The following GREB1L variants were observed in gnomAD, a reference collection of about 807,000 sequenced individuals.
GREB1L encodes GREB1-like protein.
GREB1L carries 17 observed loss-of-function variants against 200.8 expected under a neutral mutation model. The ratio of observed to expected loss-of-function variants is 0.08; its 90% CI spans 0.06 to 0.13. The LOEUF is 0.13. Among genes scored for constraint, GREB1L ranks in the 10% least tolerant of loss-of-function variants. The probability of loss-of-function intolerance (pLI) is 1.00; values close to 1 mark genes in which losing one functional copy is unlikely to be tolerated. For missense variants in GREB1L, 1,657 were observed against 2,367.7 expected, an observed-to-expected ratio of 0.70 and a Z score of 6.23; for synonymous variants, 789 against 893.0, an observed-to-expected ratio of 0.88 and a Z score of 2.08.
chr18:21,247,108 C>G (rs1469597079), intron 1 of GREB1L, among the ~76,000 whole-genome samples: 1 of 152,140 alleles, frequency 6.6e-6, no homozygotes, highest in Non-Finnish European at 1.5e-5. Flanking sequence ...GGAGGGCTCC[C>G]TATTGTGTAC....
At chr18:21,338,642 A>G (rs1394393412) in intron 1 of GREB1L, among the ~76,000 whole-genome samples, 1 of 152,200 alleles carries the variant, frequency 6.6e-6, no homozygotes, top group Non-Finnish European at 1.5e-5. Context: ...ATCCACAGCT[A>G]TGATCACTTG....
intron 5 of GREB1L, among the ~76,000 whole-genome samples, chr18:21,399,495 A>ATAGATG (rs1567979089): frequency 1.6e-5 from 1 of 63,226 alleles, no homozygotes; most frequent in African/African-American, 6.3e-5. Flanking sequence ...ATGGATGGAT[A>ATAGATG]GATGGATGGG....
chr18:21,270,424 T>G (rs1418506451), intron 1 of GREB1L, among the ~76,000 whole-genome samples: 1 of 152,192 alleles, frequency 6.6e-6, no homozygotes, highest in African/African-American at 2.4e-5. Flanking sequence ...GAAGCCTGGC[T>G]GCCTGCGCTG....
At chr18:21,284,686 C>T (rs979218257) in intron 1 of GREB1L, among the ~76,000 whole-genome samples, 3 of 152,160 alleles carry the variant, frequency 2.0e-5, no homozygotes, top group Non-Finnish European at 2.9e-5. Context: ...CTCTTGGACA[C>T]GTACCTAGTC....
intron 1 of GREB1L, among the ~76,000 whole-genome samples, chr18:21,339,585 T>A (rs1340748692): frequency 6.6e-6 from 1 of 152,224 alleles, no homozygotes. Flanking sequence ...AACAAGTCAC[T>A]CAACCTTTTA....
At chr18:21,331,476 G>A (rs1372044421) in intron 1 of GREB1L, among the ~76,000 whole-genome samples, 2 of 152,184 alleles carry the variant, frequency 1.3e-5, no homozygotes, top group Non-Finnish European at 2.9e-5. Context: ...CTTCTGACTT[G>A]TGACAGAAGA....
At chr18:21,357,749 G>T (rs570699532) in intron 1 of GREB1L, among the ~76,000 whole-genome samples, 1 of 152,078 alleles carries the variant, frequency 6.6e-6, no homozygotes, top group Admixed American at 6.6e-5. Context: ...TGTGTTCTTG[G>T]CCTCTTTCTT....
intron 7 of GREB1L, among the ~76,000 whole-genome samples, chr18:21,418,154 G>A (rs1312074128): frequency 6.6e-6 from 1 of 151,976 alleles, no homozygotes; most frequent in East Asian, 1.9e-4. Flanking sequence ...TAGTCTAAAG[G>A]CCAGGAGGGG....
intron 1 of GREB1L, among the ~76,000 whole-genome samples, chr18:21,364,087 T>C (rs1414648706): frequency 6.6e-6 from 1 of 152,168 alleles, no homozygotes; most frequent in Non-Finnish European, 1.5e-5. Flanking sequence ...TTCTAAATTT[T>C]CTTTTTGTAA....
intron 17 of GREB1L, among the ~76,000 whole-genome samples, chr18:21,482,254 T>TTTTTG (rs1218360324): frequency 2.6e-5 from 4 of 152,092 alleles, no homozygotes; most frequent in Non-Finnish European, 5.9e-5. Flanking sequence ...TGAAAGAAGT[T>TTTTTG]TTTTGTTTTG....
At chr18:21,337,772 A>G (rs2039207932) in intron 1 of GREB1L, among the ~76,000 whole-genome samples, 2 of 151,640 alleles carry the variant, frequency 1.3e-5, no homozygotes, top group Non-Finnish European at 2.9e-5. Flanking sequence ...AGATCACGGG[A>G]TCAGGAGATC....
intron 15 of GREB1L, among the ~76,000 whole-genome samples, chr18:21,463,850 T>C (rs575631258): frequency 1.3e-5 from 2 of 152,206 alleles, no homozygotes; most frequent in South Asian, 2.1e-4. Flanking sequence ...CATTCCCCAC[T>C]GTCCCAGCTC....
At chr18:21,508,875 T>A (rs1010086522) in intron 27 of GREB1L, among the ~76,000 whole-genome samples, 2 of 152,184 alleles carry the variant, frequency 1.3e-5, no homozygotes, top group Non-Finnish European at 2.9e-5. Context: ...CTTCCCCATG[T>A]AGGCTGCAAA....
chr18:21,244,365 T>C (rs1030413433), intron 1 of GREB1L, among the ~76,000 whole-genome samples: 4 of 152,110 alleles, frequency 2.6e-5, no homozygotes, highest in Non-Finnish European at 5.9e-5. Context: ...TGACATGACA[T>C]AATATAAAGA....
At chr18:21,266,227 G>C (rs982623464) in intron 1 of GREB1L, among the ~76,000 whole-genome samples, 1 of 152,138 alleles carries the variant, frequency 6.6e-6, no homozygotes, top group Non-Finnish European at 1.5e-5. Context: ...GGTATCAAAA[G>C]AATTGTGTTC....
At chr18:21,348,551 G>T (rs1411482680) in intron 1 of GREB1L, among the ~76,000 whole-genome samples, 2 of 151,900 alleles carry the variant, frequency 1.3e-5, no homozygotes, top group African/African-American at 2.4e-5. Context: ...GAGGCAGGTG[G>T]ATCACTTGAG....
chr18:21,289,730 C>T (rs1003281700), intron 1 of GREB1L, among the ~76,000 whole-genome samples: 1 of 152,148 alleles, frequency 6.6e-6, no homozygotes, highest in Non-Finnish European at 1.5e-5. Context: ...GACAAATGTA[C>T]AGTCACTGTG....
At chr18:21,461,830 AAATCT>A (rs2145569385) in intron 15 of GREB1L, among the ~76,000 whole-genome samples, 1 of 152,360 alleles carries the variant, frequency 6.6e-6, no homozygotes, top group Admixed American at 6.5e-5. Flanking sequence ...TTTTAAGTTC[AAATCT>A]ATTTTGAAAG....
chr18:21,347,933 A>ATTTTTTTT (rs1171946736), intron 1 of GREB1L, among the ~76,000 whole-genome samples: 1 of 77,354 alleles, frequency 1.3e-5, no homozygotes, highest in Non-Finnish European at 2.3e-5. Flanking sequence ...CACTCGGCTA[A>ATTTTTTTT]TTTTTTTTTT....
Sources: gnomAD v4.1 joint callset for allele counts (sites outside exome capture counted in the v4.1 genomes callset) on GRCh38, gnomAD v4.1.1 for gene constraint, MANE v1.5 for transcripts, NCBI Gene and HGNC (gene_info 2026-07-23, HGNC 2026-07-21) for gene names.